PTPN9: variants seen among roughly 807,000 people sequenced by gnomAD.
PTPN9 encodes the protein protein tyrosine phosphatase non-receptor type 9.
A neutral mutation model predicts 69.8 loss-of-function variants in PTPN9; 26 were observed. That is an observed-to-expected ratio of 0.37 (90% CI 0.27 to 0.52). The LOEUF (loss-of-function observed/expected upper bound fraction) is 0.52. Ranked by LOEUF, PTPN9 falls within the 20% of genes least tolerant of loss-of-function variation. The probability of loss-of-function intolerance (pLI) is 0.91; values close to 1 mark genes in which losing one functional copy is unlikely to be tolerated. For missense variants in PTPN9, 549 were observed against 740.3 expected, an observed-to-expected ratio of 0.74 and a Z score of 3.00; for synonymous variants, 274 against 272.5, an observed-to-expected ratio of 1.01 and a Z score of -0.05.
chr15:75,558,720 G>C (rs1180853906), intron 1 of PTPN9, among the ~76,000 whole-genome samples: 1 of 152,208 alleles, frequency 6.6e-6, no homozygotes, highest in Non-Finnish European at 1.5e-5. Flanking sequence ...TGGTGGAGAC[G>C]GGGTTTCGCT....
chr15:75,505,607 G>A lies in PTPN9; in HGVS notation c.968+68C>T, dbSNP rs2074814992. 4.2e-6 allele frequency: 5 copies of A among 1,199,258 alleles called. No individual in the cohort carries two copies. In the South Asian group the frequency reaches 6.9e-5, roughly 16 times the overall value. 74.3% of individuals were successfully genotyped at this position (1,199,258 alleles called of 1,614,324 possible). A position where few individuals can be genotyped will look rare whatever the true frequency, so the allele number is the denominator to read the frequency against. On this transcript the variant is annotated intron_variant, in intron 7 of 12. Transcript: ENST00000618819. The stretch of plus-strand genomic sequence containing the variant: ...CTGCTAAGCAAGTGAGGGGTGGAAG[G>A]AGCTGTTGCCAGAGCCTACCAGAAG...
intron 1 of PTPN9, among the ~76,000 whole-genome samples, chr15:75,527,557 C>T (rs1280035791): frequency 6.6e-6 from 1 of 152,012 alleles, no homozygotes; most frequent in Non-Finnish European, 1.5e-5. Flanking sequence ...ATGCAAATTA[C>T]TAGTCCCAAA....
At chr15:75,509,168 G>C (rs184858687) in intron 5 of PTPN9, 141 bp from the exon 6 acceptor site, 4 of 614,150 alleles carry the variant, frequency 6.5e-6, no homozygotes, top group African/African-American at 1.8e-5. Flanking sequence ...TCAGCAGCTA[G>C]AGGAAAAGTG....
chr15:75,531,186 G>A (rs769641408), intron 1 of PTPN9, among the ~76,000 whole-genome samples: 3 of 151,578 alleles, frequency 2.0e-5, no homozygotes. Flanking sequence ...AAGTCTAAAC[G>A]GCCTGAGGCT....
chr15:75,545,362 G>A (rs2141332381), intron 1 of PTPN9, among the ~76,000 whole-genome samples: 1 of 152,150 alleles, frequency 6.6e-6, no homozygotes, highest in Non-Finnish European at 1.5e-5. Context: ...GACCCCAGGA[G>A]TTCAAGACCA....
intron 4 of PTPN9, among the ~76,000 whole-genome samples, chr15:75,521,923 C>A (rs1327611837): frequency 6.6e-6 from 1 of 152,156 alleles, no homozygotes; most frequent in Non-Finnish European, 1.5e-5. Context: ...CAGGGCTGGT[C>A]TCAAACTCCC....
Position 75,486,833 on chromosome 15 carries a change from G to A in PTPN9, c.1062+3375C>T, listed in dbSNP as rs1042851807. 2.8e-5 allele frequency among the ~76,000 whole-genome samples: 4 copies of A among 144,884 alleles called. No individual in the cohort carries two copies. In the South Asian group the frequency reaches 8.7e-4, roughly 31 times the overall value. ...GAGTCTTTGCTCTGTTGCCCAGGCTGGAGTGCACTGGTGCGATCTCGGCTT... is the reference window on the plus strand; with the variant it reads ...GAGTCTTTGCTCTGTTGCCCAGGCTAGAGTGCACTGGTGCGATCTCGGCTT... On this transcript the variant is annotated intron_variant, in intron 8 of 12. Coordinates refer to ENST00000618819, the MANE Select transcript of PTPN9 (RefSeq NM_002833.4).
intron 1 of PTPN9, among the ~76,000 whole-genome samples, chr15:75,537,443 TAAAAAAAAAAAA>T (rs71140168): frequency 2.9e-4 from 6 of 20,344 alleles, no homozygotes; most frequent in African/African-American, 6.6e-4. Flanking sequence ...ATATCTTCCC[TAAAAAAAAAAAA>T]AAAAAAAAAA....
At chr15:75,559,391 A>C (rs1014136824) in intron 1 of PTPN9, among the ~76,000 whole-genome samples, 2 of 152,316 alleles carry the variant, frequency 1.3e-5, no homozygotes, top group East Asian at 3.9e-4. Context: ...TGTAGAAAGA[A>C]GTAGACATGG....
In PTPN9 at chr15:75,490,252, CCAGGCAGGGTACA is replaced by C. The variant is rs1567477240; in HGVS notation, c.1005_1017del (p.Asp335GlufsTer6). On this transcript the variant is annotated frameshift_variant, in exon 8 of 13. Coordinates refer to ENST00000618819, the MANE Select transcript of PTPN9 (RefSeq NM_002833.4). LOFTEE classifies it high-confidence loss of function. ...TTTGTTAGCTTCACTCTAGTTTGGT[CCAGGCAGGGTACA>C]TCCCCATAACGGTTTTTCTCTAGGT... 1 of 1,613,682 alleles carries C rather than the reference CCAGGCAGGGTACA, an allele frequency of 6.2e-7. No homozygotes were observed. The highest frequency in any genetic ancestry group is 1.3e-5 in the African/African-American group (1 of 74,882).
chr15:75,500,520 G>T (rs965743511), intron 7 of PTPN9, among the ~76,000 whole-genome samples: 6 of 152,136 alleles, frequency 3.9e-5, no homozygotes, highest in African/African-American at 1.4e-4. Flanking sequence ...CCTGGGTGAT[G>T]GAGTGAGACT....
intron 11 of PTPN9, 95 bp downstream of exon 11, chr15:75,470,585 C>T (rs2074558716): frequency 6.9e-7 from 1 of 1,451,960 alleles, no homozygotes. Flanking sequence ...CTCATAACTT[C>T]CCTGGTATCC....
chr15:75,468,818 T>C lies in PTPN9; in HGVS notation c.1733A>G (p.Glu578Gly). ...YKAILEFAEK[E>G]GMVSSGQNLL... ...GTTTTGGCCAGAGGATACCATGCCC[T>C]CCTTCTCTGCGAACTCCAGGATGGC... The change falls in exon 13 of 13, where the codon GAG becomes GGG. Residue 578 changes from glutamate to glycine, a missense_variant. By Grantham distance (98) the Glu-to-Gly change is moderately conservative. Transcript: ENST00000618819. 1 of 1,614,146 alleles carries C rather than the reference T, an allele frequency of 6.2e-7. No individual in the cohort carries two copies. Among genetic ancestry groups the C allele is most frequent in the Non-Finnish European group, 8.5e-7 (1 of 1,180,006 alleles).
At chr15:75,471,641 C>T (rs914531651) in intron 10 of PTPN9, among the ~76,000 whole-genome samples, 2 of 149,272 alleles carry the variant, frequency 1.3e-5, no homozygotes, top group African/African-American at 2.5e-5. Flanking sequence ...CTAGGCCAGG[C>T]GCAGTGACTC....
chr15:75,495,277 A>G (rs1239813955), intron 7 of PTPN9, among the ~76,000 whole-genome samples: 1 of 152,104 alleles, frequency 6.6e-6, no homozygotes, highest in Non-Finnish European at 1.5e-5. Context: ...ATAACCAACC[A>G]CAGTTTAGAC....
chr15:75,570,580 G>A (rs1018578851), intron 1 of PTPN9, among the ~76,000 whole-genome samples: 2 of 151,950 alleles, frequency 1.3e-5, no homozygotes, highest in Non-Finnish European at 1.5e-5. Context: ...GACCAGCCTG[G>A]GCAACATGGT....
At position 75,578,886 on chromosome 15, in the gene PTPN9, G is replaced by T. The variant is rs1190808564; in HGVS notation, c.-110C>A. On this transcript the variant is annotated 5_prime_UTR_variant, in exon 1 of 13. Transcript: ENST00000618819. ...CGCCTCAGCAGCCCGGGGCCGGCTC[G>T]CGCATAGTGTGGCCGGCAGGGCCCG... is the stretch of plus-strand genomic sequence containing the variant. 5.4e-6 allele frequency: 4 copies of T among 734,424 alleles called. No individual in the cohort carries two copies. The highest frequency in any genetic ancestry group is 7.2e-6 in the Non-Finnish European group (4 of 553,008). The allele number at this position is 734,424 out of a possible 1,614,324, so 45.5% of individuals were successfully genotyped here.
intron 7 of PTPN9, among the ~76,000 whole-genome samples, chr15:75,504,534 A>C (rs1219797796): frequency 1.1e-5 from 1 of 90,758 alleles, no homozygotes; most frequent in Non-Finnish European, 2.2e-5. Context: ...CCCCCCGCCC[A>C]GCCAGCCGCC....
At chr15:75,554,824 C>A (rs1269159461) in intron 1 of PTPN9, among the ~76,000 whole-genome samples, 1 of 152,160 alleles carries the variant, frequency 6.6e-6, no homozygotes, top group Non-Finnish European at 1.5e-5. Context: ...CCCAGCAGAA[C>A]CCAGACAGTA....
Sources: gnomAD v4.1 joint callset for allele counts (sites outside exome capture counted in the v4.1 genomes callset) on GRCh38, gnomAD v4.1.1 for gene constraint, MANE v1.5 for transcripts, NCBI Gene and HGNC (gene_info 2026-07-23, HGNC 2026-07-21) for gene names.